The following ERG variants were observed in gnomAD, a reference collection of about 807,000 sequenced individuals.
ERG encodes the protein ETS transcription factor ERG.
In ERG, 9 loss-of-function variants were observed where a neutral mutation model predicts 55.3. The observed-to-expected ratio is 0.16, with a 90% CI of 0.10 to 0.28. The LOEUF is 0.28. Among genes scored for constraint, ERG ranks in the 10% least tolerant of loss-of-function variants. ERG has a pLI of 1.00. For synonymous variants in ERG, 223 were observed against 237.3 expected (o/e 0.94, Z 0.55); for missense variants, 434 against 631.6 (o/e 0.69, Z 3.35).
chr21:38,470,559 C>T (rs2059130198), intron 1 of ERG, among the ~76,000 whole-genome samples: 1 of 152,158 alleles, frequency 6.6e-6, no homozygotes, highest in Non-Finnish European at 1.5e-5. Flanking sequence ...ACCATCTACA[C>T]AGTGGATAGC....
chr21:38,492,012 G>A (rs960818), intron 1 of ERG, among the ~76,000 whole-genome samples: 39,192 of 96,896 alleles, frequency 0.4, 6,074 homozygotes, highest in African/African-American at 0.49. Context: ...AGTAACCAGC[G>A]ATAATAATTT....
At position 38,381,797 on chromosome 21, in the gene ERG, C is replaced by G. The variant is rs531748305; in HGVS notation, c.*1606G>C. 2 of 1,063,366 alleles carry G rather than the reference C, an allele frequency of 1.9e-6. No individual in the cohort carries two copies. The highest frequency in any genetic ancestry group is 9.1e-5 in the South Asian group (2 of 21,960). 65.9% of individuals were successfully genotyped at this position (1,063,366 alleles called of 1,614,324 possible). On this transcript the variant is annotated 3_prime_UTR_variant, in exon 10 of 10. Transcript: ENST00000288319. ...AATATGGAGGCTCCAATGTGAAACC[C>G]GGGGTCCTTCTGTTCCAAAAGGGGC... is the stretch of plus-strand genomic sequence containing the variant.
chr21:38,413,648 T>C lies in ERG; in HGVS notation c.388+9762A>G, dbSNP rs563802642. Among the ~76,000 whole-genome samples the C allele has an allele frequency of 5.9e-5, 9 of 152,320 alleles. No individual in the cohort carries two copies. In the South Asian group the frequency reaches 1.2e-3, roughly 21 times the overall value. The stretch of plus-strand genomic sequence containing the variant: ...GCTTTGTCATTCTGACACACTGATT[T>C]ATTTCTCTGGATGAAACCATTCTCA... On this transcript the variant is annotated intron_variant, in intron 3 of 9. Transcript: ENST00000288319.
chr21:38,610,813 G>A (rs747519895), intron 1 of ERG, among the ~76,000 whole-genome samples: 1 of 152,244 alleles, frequency 6.6e-6, no homozygotes, highest in Non-Finnish European at 1.5e-5. Flanking sequence ...TGTCCTTGGC[G>A]AGGTCCTACA....
chr21:38,469,617 A>G (rs1455949660), intron 1 of ERG, among the ~76,000 whole-genome samples: 1 of 152,218 alleles, frequency 6.6e-6, no homozygotes, highest in African/African-American at 2.4e-5. Context: ...ACATTTTATG[A>G]TATAATAAAT....
chr21:38,374,690 A>T, the ERG span, among the ~76,000 whole-genome samples: 1 of 152,162 alleles, frequency 6.6e-6, no homozygotes, highest in Non-Finnish European at 1.5e-5. Context: ...ACAACAGACT[A>T]TGGTAGGTCA....
chr21:38,643,852 G>A (rs76206020), intron 1 of ERG, among the ~76,000 whole-genome samples: 1,866 of 152,316 alleles, frequency 0.012, 31 homozygotes, highest in African/African-American at 0.042. Flanking sequence ...CTGTGGGCTT[G>A]AGCCATATGT....
At chr21:38,627,229 CAA>C (rs1450277234) in intron 1 of ERG, among the ~76,000 whole-genome samples, 1 of 152,044 alleles carries the variant, frequency 6.6e-6, no homozygotes, top group East Asian at 1.9e-4. Context: ...AAACCAAAAA[CAA>C]ACAAAATGAA....
chr21:38,661,404 G>A (rs1963625663), intron 1 of ERG, among the ~76,000 whole-genome samples: 1 of 152,204 alleles, frequency 6.6e-6, no homozygotes, highest in Admixed American at 6.5e-5. Context: ...AGGGAGAGGC[G>A]CGGTGCCCGG....
At chr21:38,598,107 A>C (rs76962994) in intron 1 of ERG, among the ~76,000 whole-genome samples, 1,713 of 152,254 alleles carry the variant, frequency 0.011, 35 homozygotes, top group African/African-American at 0.038. Context: ...TACACATAGC[A>C]AGGACTGTAA....
At chr21:38,415,545 G>A (rs987482004) in intron 3 of ERG, among the ~76,000 whole-genome samples, 1 of 152,130 alleles carries the variant, frequency 6.6e-6, no homozygotes, top group Non-Finnish European at 1.5e-5. Context: ...TTAAACAGAA[G>A]ATTAAAGAAG....
chr21:38,658,439 G>A (rs370790592), intron 1 of ERG, among the ~76,000 whole-genome samples: 1 of 152,138 alleles, frequency 6.6e-6, no homozygotes, highest in Non-Finnish European at 1.5e-5. Flanking sequence ...TCCTATGACC[G>A]GGACTGACTT....
chr21:38,455,955 C>G (rs961006984), intron 1 of ERG, among the ~76,000 whole-genome samples: 2 of 151,436 alleles, frequency 1.3e-5, no homozygotes, highest in Non-Finnish European at 2.9e-5. Flanking sequence ...GAAGAAGCCG[C>G]AAGACCACAG....
Position 38,423,501 on chromosome 21 carries a change from G to A in ERG, c.297C>T (p.Thr99=), listed in dbSNP as rs765934470. 6.8e-6 allele frequency: 11 copies of A among 1,613,986 alleles called. No individual in the cohort carries two copies. The highest frequency in any genetic ancestry group is 4.0e-5 in the African/African-American group (3 of 74,912). ...TGTAGCTGCCGTAGTTCATCCCAAC[G>A]GTGTCTGGGCTGCCCACCATCTTCC... ...KGGKMVGSPD[T]VGMNYGSYME... is the part of the protein sequence containing the mutation. Residue 99 remains threonine, a synonymous_variant, in exon 3 of 10, where the codon ACC becomes ACT. Coordinates refer to ENST00000288319, the MANE Select transcript of ERG (RefSeq NM_182918.4).
At chr21:38,437,775 G>C (rs1263635800) in intron 2 of ERG, among the ~76,000 whole-genome samples, 1 of 152,092 alleles carries the variant, frequency 6.6e-6, no homozygotes, top group Non-Finnish European at 1.5e-5. Flanking sequence ...ACTATACCCA[G>C]GATGCGACTG....
In ERG at chr21:38,651,061, C is replaced by T. The variant is rs188322584; in HGVS notation, c.-150+10597G>A. Among the ~76,000 whole-genome samples, 22 of 152,328 alleles carry T rather than the reference C, an allele frequency of 1.4e-4. No individual in the cohort carries two copies. The East Asian group carries it at 3.7e-3, about 25-fold the overall frequency. On this transcript the variant is annotated intron_variant, in intron 1 of 10. Coordinates refer to the ERG transcript ENST00000398910. ...ATAGCATTTTTATGCCTGGAGTTGTCGCAGCATGATTCCGGCAAAAGCCGC... is the reference window on the plus strand; with the variant it reads ...ATAGCATTTTTATGCCTGGAGTTGTTGCAGCATGATTCCGGCAAAAGCCGC...
chr21:38,553,538 T>C (rs1174579463), intron 2 of ERG, among the ~76,000 whole-genome samples: 1 of 152,148 alleles, frequency 6.6e-6, no homozygotes, highest in East Asian at 1.9e-4. Flanking sequence ...CACACATCTA[T>C]AGTCATCTAA....
At chr21:38,384,184 G>T in intron 9 of ERG, among the ~76,000 whole-genome samples, 1 of 152,208 alleles carries the variant, frequency 6.6e-6, no homozygotes, top group East Asian at 1.9e-4. Context: ...GACTGAACGG[G>T]GTACCACGGG....
intron 3 of ERG, among the ~76,000 whole-genome samples, chr21:38,414,513 C>A (rs568277188): frequency 6.6e-6 from 1 of 152,226 alleles, no homozygotes; most frequent in Non-Finnish European, 1.5e-5. Flanking sequence ...AACAGAAGAA[C>A]TGCACTTTTT....
Sources: gnomAD v4.1 joint callset for allele counts (sites outside exome capture counted in the v4.1 genomes callset) on GRCh38, gnomAD v4.1.1 for gene constraint, MANE v1.5 for transcripts, NCBI Gene and HGNC (gene_info 2026-07-23, HGNC 2026-07-21) for gene names.